SLC26A6: variants seen among roughly 807,000 people sequenced by gnomAD.
SLC26A6 encodes the protein solute carrier family 26 member 6.
In SLC26A6, 67 loss-of-function variants were observed where a neutral mutation model predicts 87.1. The observed-to-expected ratio is 0.77, with a 90% CI of 0.63 to 0.94. The LOEUF (loss-of-function observed/expected upper bound fraction) is 0.94. Among genes scored for constraint, SLC26A6 ranks in the 40% least tolerant of loss-of-function variants. The probability of loss-of-function intolerance (pLI) is 0.00; values close to 1 mark genes in which losing one functional copy is unlikely to be tolerated. For missense variants in SLC26A6, 902 were observed against 973.0 expected, an observed-to-expected ratio of 0.93 and a Z score of 0.97; for synonymous variants, 414 against 405.9, an observed-to-expected ratio of 1.02 and a Z score of -0.24.
At position 48,628,471 on chromosome 3, in the gene SLC26A6, A is replaced by C. The variant is rs946772817; in HGVS notation, c.1763T>G (p.Leu588Arg). The C allele has an allele frequency of 5.0e-6, 8 of 1,613,992 alleles. No individual in the cohort carries two copies. The highest frequency in any genetic ancestry group is 4.0e-5 in the African/African-American group (3 of 74,920). Reference protein sequence around the residue: ...KLLKKQEQLKLKQLQKEEKLR... With the variant: ...KLLKKQEQLKRKQLQKEEKLR... ...CTTCTCCTCTTTCTGCAGTTGCTTC[A>C]GCTTCAGCTGCTCCTGCTTCTTGAG... Residue 588 changes from leucine (L) to arginine (R), a missense_variant, in exon 16 of 21, where the codon CTG becomes CGG. Around this residue, in one of 3 missense-constraint regions of SLC26A6, gnomAD observed 800 missense variants for 856.8 expected, o/e 0.93. Transcript: ENST00000395550. This position sits in a 1 kb window ranked among gnomAD's most constrained non-coding sequence, Gnocchi z 4.4.
At chr3:48,633,183 G>T in intron 3 of SLC26A6, 68 bp downstream of exon 3, 1 of 1,590,992 alleles carries the variant, frequency 6.3e-7, no homozygotes, top group South Asian at 1.1e-5. Flanking sequence ...CAAGGTAGAG[G>T]TCATGGCCCC....
At chr3:48,632,516 C>T in intron 4 of SLC26A6, 120 bp from the exon 5 acceptor site, 1 of 1,380,766 alleles carries the variant, frequency 7.2e-7, no homozygotes, top group Non-Finnish European at 1.0e-6. Context: ...CAGATTATGG[C>T]TGCATGAACA....
rs987732474 is a variant in SLC26A6, at chr3:48,633,351, G to A, written c.222C>T (p.His74=). The change falls in exon 3 of 21, where the codon CAC becomes CAT. Residue 74 remains histidine (H), a synonymous_variant. Coordinates refer to ENST00000395550, the MANE Select transcript of SLC26A6 (RefSeq NM_022911.3). ...RARAYALLLQ[H]LPVLVWLPRY... is the part of the protein sequence containing the mutation. The stretch of plus-strand genomic sequence containing the variant: ...GGGGTAACCAGACCAAAACCGGGAG[G>A]TGTTGGAGCAGAAGGGCATAGGCCC... 6.2e-7 allele frequency: 1 copy of A among 1,613,586 alleles called. No individual in the cohort carries two copies. Among genetic ancestry groups the A allele is most frequent in the African/African-American group, 1.3e-5 (1 of 75,058 alleles).
chr3:48,631,461 G>T, intron 7 of SLC26A6, 155 bp from the exon 8 acceptor site: 1 of 1,100,190 alleles, frequency 9.1e-7, no homozygotes, highest in Non-Finnish European at 1.3e-6. Flanking sequence ...CACCATTTCG[G>T]CTATGGGGAG....
At chr3:48,633,714 A>G in intron 1 of SLC26A6, 79 bp from the exon 2 acceptor site, 2 of 1,560,080 alleles carry the variant, frequency 1.3e-6, no homozygotes, top group Non-Finnish European at 1.7e-6. Flanking sequence ...AGGACCAGAG[A>G]GTTACCTACC....
At chr3:48,629,740 A>AG (rs749206577) in intron 13 of SLC26A6, 29 bp from the exon 14 acceptor site, 2 of 1,611,962 alleles carry the variant, frequency 1.2e-6, no homozygotes, top group South Asian at 1.1e-5. Flanking sequence ...ATGCACGAAG[A>AG]GGGGGCAGAA....
At chr3:48,630,356 C>CA in intron 11 of SLC26A6, 82 bp downstream of exon 11, 1 of 1,447,772 alleles carries the variant, frequency 6.9e-7, no homozygotes, top group South Asian at 1.2e-5. Context: ...CTTGTGTCCC[C>CA]ACCCCTCGCC....
rs577956551 is a variant in SLC26A6 at position 48,630,952 on chromosome 3, A to C, written c.1134+41T>G. The C allele has an allele frequency of 4.4e-6, 7 of 1,607,100 alleles. No homozygotes were observed. In the South Asian group the frequency reaches 7.7e-5, roughly 18 times the overall value. ...TCCCCCACCCGTTGCTGGCGCCTCC[A>C]TACACTTGGATGCCTCCTACACATC... On this transcript the variant is annotated intron_variant, in intron 9 of 20. Coordinates refer to ENST00000395550, the MANE Select transcript of SLC26A6 (RefSeq NM_022911.3).
intron 1 of SLC26A6, chr3:48,634,263 A>G (rs1048771400): frequency 2.6e-5 from 4 of 153,300 alleles, no homozygotes; most frequent in African/African-American, 9.6e-5. Flanking sequence ...TGGAGTGGCA[A>G]TCTCTCACCT....
rs1417640752 is a variant in SLC26A6, at chr3:48,631,817, G to C, written c.751-16C>G. 2 of 1,613,136 alleles carry C rather than the reference G, an allele frequency of 1.2e-6. No homozygotes were observed. Among genetic ancestry groups the C allele is most frequent in the Non-Finnish European group, 1.7e-6 (2 of 1,179,926 alleles). Reference sequence around the variant, plus strand: ...CCAGCACTGTCTGAGGAGAGGCCAGGTCACAGCTAGCACTCAAGGCCATGG... The same window carrying C: ...CCAGCACTGTCTGAGGAGAGGCCAGCTCACAGCTAGCACTCAAGGCCATGG... On this transcript the variant is annotated splice_polypyrimidine_tract_variant and intron_variant, in intron 6 of 20. Coordinates refer to ENST00000395550, the MANE Select transcript of SLC26A6 (RefSeq NM_022911.3).
At position 48,626,280 on chromosome 3, in the gene SLC26A6, C is replaced by T. The variant is rs780754460; in HGVS notation, c.2203G>A (p.Val735Ile). The change falls in exon 20 of 21, where the codon GTC becomes ATC. Residue 735 changes from valine (V) to isoleucine (I), a missense_variant. Val to Ile is a conservative substitution (Grantham distance 29). Around this residue, in one of 3 missense-constraint regions of SLC26A6, gnomAD observed 99 missense variants for 100.1 expected, o/e 0.99. Transcript: ENST00000395550. ...SITKKHLFAS[V>I]HDAVTFALQH... ...AGGGCAAAGGTGACAGCATCATGGA[C>T]AGAGGCAAAGAGATGCTTCTTGGTG... 6.2e-7 allele frequency: 1 copy of T among 1,614,054 alleles called. No individual in the cohort carries two copies. The highest frequency in any genetic ancestry group is 1.1e-5 in the South Asian group (1 of 91,070).
At chr3:48,634,934 T>A (rs995114179) in intron 1 of SLC26A6, among the ~76,000 whole-genome samples, 1 of 152,146 alleles carries the variant, frequency 6.6e-6, no homozygotes, top group African/African-American at 2.4e-5. Context: ...CCTTGATCAT[T>A]GGCCCCTCCC....
chr3:48,635,440 A>C lies in SLC26A6; in HGVS notation c.-47T>G, dbSNP rs1239504409. On this transcript the variant is annotated 5_prime_UTR_variant, in exon 1 of 21. Transcript: ENST00000395550. Reference sequence around the variant, plus strand: ...GGGCTGCTCCTGCTGCTCGAGCTAGAGGCCGCTACGCTCCGGAAGGCGGCG... The same window carrying C: ...GGGCTGCTCCTGCTGCTCGAGCTAGCGGCCGCTACGCTCCGGAAGGCGGCG... The C allele has an allele frequency of 6.4e-7, 1 of 1,557,014 alleles. No individual in the cohort carries two copies. The highest frequency in any genetic ancestry group is 1.9e-5 in the Admixed American group (1 of 52,740).
rs373279681 is a variant in SLC26A6, at chr3:48,626,971, C to A, written c.1978G>T (p.Ala660Ser). The A allele has an allele frequency of 5.0e-6, 8 of 1,614,058 alleles. No individual in the cohort carries two copies. Among genetic ancestry groups the A allele is most frequent in the Non-Finnish European group, 6.8e-6 (8 of 1,180,036 alleles). ...SKAPDGSTLKALGLPQPDFHS... is the reference protein window; with the variant it reads ...SKAPDGSTLKSLGLPQPDFHS... ...AAGTCTGGCTGAGGCAGGCCCAGGG[C>A]CTTCAGTGTGGACCCATCTGGGGCC... The change falls in exon 18 of 21, where the codon GCC (alanine) becomes TCC (serine). Residue 660 changes from alanine (A) to serine (S), a missense_variant. By Grantham distance (99) the Ala-to-Ser change is moderately conservative (BLOSUM62 1). This residue lies in a region of SLC26A6 where 800 missense variants were observed against 856.8 expected (regional missense o/e 0.93). Transcript: ENST00000395550.
intron 19 of SLC26A6, 60 bp downstream of exon 19, chr3:48,626,571 C>T: frequency 6.2e-7 from 1 of 1,611,142 alleles, no homozygotes; most frequent in Non-Finnish European, 8.5e-7. Flanking sequence ...TGGAAAACCC[C>T]TTGGCCAAAA....
chr3:48,629,822 G>A (rs1401369977), intron 13 of SLC26A6, 50 bp downstream of exon 13: 2 of 1,612,082 alleles, frequency 1.2e-6, no homozygotes, highest in Admixed American at 1.7e-5. Context: ...GGGGAGCCCT[G>A]TGGTACTCTC....
At position 48,625,946 on chromosome 3, in the gene SLC26A6, G is replaced by C; in HGVS notation, c.*40C>G. 1 of 1,613,438 alleles carries C rather than the reference G, an allele frequency of 6.2e-7. No homozygotes were observed. The highest frequency in any genetic ancestry group is 8.5e-7 in the Non-Finnish European group (1 of 1,179,858). ...GTGAGGGGCTTCTCAAGGGTGCCCT[G>C]CACCTCCAGAGGTGCAGTCTTGGGC... On this transcript the variant is annotated 3_prime_UTR_variant, in exon 21 of 21. Transcript: ENST00000395550. The surrounding 1 kb of genome is among the most constrained non-coding windows in gnomAD (Gnocchi z 4.7).
chr3:48,633,969 C>T, intron 1 of SLC26A6: 2 of 845,792 alleles, frequency 2.4e-6, no homozygotes, highest in Non-Finnish European at 3.1e-6. Flanking sequence ...CCTCCCCCAC[C>T]CAGTCCCTCT....
At position 48,632,025 on chromosome 3, in the gene SLC26A6, T is replaced by A. The variant is rs2046813835; in HGVS notation, c.605A>T (p.His202Leu). 6.2e-7 allele frequency: 1 copy of A among 1,612,890 alleles called. No individual in the cohort carries two copies. The highest frequency in any genetic ancestry group is 8.5e-7 in the Non-Finnish European group (1 of 1,179,872). The part of the protein sequence containing the change: ...GLFQVGLGLI[H>L]FGFVVTYLSE... ...CAGGTAGGTGACCACGAAGCCGAAG[T>A]GGATCAGGCCCAGCCCCACCTGTGG... is the stretch of plus-strand genomic sequence containing the variant. The change falls in exon 6 of 21, where the codon CAC (histidine) becomes CTC (leucine). Residue 202 changes from histidine (H) to leucine (L), a missense_variant. Physicochemically the swap from His to Leu is moderately conservative, Grantham distance 99. Transcript: ENST00000395550.
Sources: gnomAD v4.1 joint callset for allele counts (sites outside exome capture counted in the v4.1 genomes callset) on GRCh38, gnomAD v4.1.1 for gene constraint, gnomAD v4.1.1 regional missense constraint, Gnocchi (gnomAD v3.1) non-coding constraint, MANE v1.5 for transcripts, NCBI Gene and HGNC (gene_info 2026-07-23, HGNC 2026-07-21) for gene names.